Variants in CLYBL observed in about 807,000 individuals in gnomAD.
CLYBL encodes citramalyl-CoA lyase, also known as citramalyl-CoA lyase, mitochondrial.
Under a neutral mutation model 38.9 loss-of-function variants are expected in CLYBL, and 31 were observed. The observed-to-expected ratio is 0.80, with a 90% CI of 0.60 to 1.08. The LOEUF (loss-of-function observed/expected upper bound fraction) is 1.08, where lower values mean the gene tolerates loss of function less well. Among genes scored for constraint, CLYBL ranks in the 50% least tolerant of loss-of-function variants. The pLI, the probability that CLYBL is intolerant of heterozygous loss-of-function variation, is 0.00. For synonymous variants in CLYBL, 171 were observed against 158.6 expected (o/e 1.08, Z -0.59); for missense variants, 434 against 411.6 (o/e 1.05, Z -0.47).
intron 1 of CLYBL, among the ~76,000 whole-genome samples, chr13:99,650,741 T>G (rs750243653): frequency 6.6e-6 from 1 of 152,126 alleles, no homozygotes; most frequent in African/African-American, 2.4e-5. Context: ...TCCCAGCCAT[T>G]GTGGCTCTTT....
chr13:99,784,879 C>T (rs2049751069), intron 2 of CLYBL, among the ~76,000 whole-genome samples: 1 of 152,062 alleles, frequency 6.6e-6, no homozygotes, highest in Non-Finnish European at 1.5e-5. Context: ...ACAAGGTACC[C>T]ATCCTTTGAC....
intron 1 of CLYBL, among the ~76,000 whole-genome samples, chr13:99,744,655 C>T (rs1271975001): frequency 3.3e-5 from 5 of 151,966 alleles, no homozygotes; most frequent in East Asian, 1.9e-4. Context: ...AGATAGATGG[C>T]GATTAAATTT....
intron 2 of CLYBL, among the ~76,000 whole-genome samples, chr13:99,836,007 A>G (rs2050926251): frequency 6.6e-6 from 1 of 152,316 alleles, no homozygotes; most frequent in African/African-American, 2.4e-5. Context: ...AGCTGTCATT[A>G]GAGAGGTGGA....
intron 1 of CLYBL, among the ~76,000 whole-genome samples, chr13:99,743,896 G>A (rs1251553582): frequency 6.6e-6 from 1 of 151,670 alleles, no homozygotes; most frequent in Non-Finnish European, 1.5e-5. Context: ...GCGGTATTGC[G>A]GGGACTCGGG....
intron 1 of CLYBL, among the ~76,000 whole-genome samples, chr13:99,639,291 A>G (rs2047062721): frequency 6.6e-6 from 1 of 152,236 alleles, no homozygotes; most frequent in Non-Finnish European, 1.5e-5. Context: ...GACACGCAGC[A>G]TGGTCATTAA....
intron 8 of CLYBL, among the ~76,000 whole-genome samples, chr13:99,904,373 A>C (rs1023210169): frequency 2.6e-5 from 4 of 152,222 alleles, no homozygotes; most frequent in Non-Finnish European, 5.9e-5. Context: ...ATTCCTGGCT[A>C]TGCTAAACTT....
At chr13:99,640,694 G>C (rs2047080699) in intron 1 of CLYBL, among the ~76,000 whole-genome samples, 1 of 152,210 alleles carries the variant, frequency 6.6e-6, no homozygotes, top group Non-Finnish European at 1.5e-5. Flanking sequence ...GTTTCAAGTT[G>C]ACACATGATA....
chr13:99,646,065 G>T (rs569628419), intron 1 of CLYBL, among the ~76,000 whole-genome samples: 1 of 152,084 alleles, frequency 6.6e-6, no homozygotes, highest in African/African-American at 2.4e-5. Context: ...GACACTGTGG[G>T]GTTCAGTGGG....
intron 2 of CLYBL, among the ~76,000 whole-genome samples, chr13:99,816,385 G>A (rs143094914): frequency 1.3e-5 from 2 of 152,348 alleles, no homozygotes; most frequent in African/African-American, 4.8e-5. Context: ...GGCTCTCAAT[G>A]ACTGTGCCCT....
chr13:99,702,102 C>G (rs550970414), intron 1 of CLYBL, among the ~76,000 whole-genome samples: 1 of 152,024 alleles, frequency 6.6e-6, no homozygotes, highest in Non-Finnish European at 1.5e-5. Context: ...TTTCATCACA[C>G]CTTTTATTTT....
intron 1 of CLYBL, among the ~76,000 whole-genome samples, chr13:99,729,863 A>G (rs1189163312): frequency 6.6e-6 from 1 of 150,958 alleles, no homozygotes; most frequent in East Asian, 1.9e-4. Context: ...TCCCCCCGCC[A>G]GCCTCGGCAC....
downstream of CLYBL, chr13:99,896,375 TC>T (rs1208575329): frequency 1.3e-5 from 2 of 152,146 alleles, no homozygotes; most frequent in African/African-American, 4.8e-5. Flanking sequence ...CTCTCGGGTC[TC>T]CCAGGCCCCA....
chr13:99,729,500 G>A (rs1454386537), intron 1 of CLYBL, among the ~76,000 whole-genome samples: 2 of 152,052 alleles, frequency 1.3e-5, no homozygotes, highest in Non-Finnish European at 2.9e-5. Context: ...ATCTGCTTCG[G>A]GCTAAATATC....
chr13:99,633,534 C>CAA (rs71215536), intron 1 of CLYBL, among the ~76,000 whole-genome samples: 5,954 of 121,602 alleles, frequency 0.049, 175 homozygotes, highest in Middle Eastern at 0.069. Flanking sequence ...GACTCTGTCT[C>CAA]AAAAAAAAAA....
intron 1 of CLYBL, among the ~76,000 whole-genome samples, chr13:99,685,983 A>C (rs1000408764): frequency 2.6e-5 from 4 of 152,100 alleles, no homozygotes; most frequent in African/African-American, 9.7e-5. Context: ...AAAGAATCTC[A>C]TAGACATTTT....
chr13:99,609,470 C>T (rs1486580682), intron 1 of CLYBL, among the ~76,000 whole-genome samples: 1 of 152,040 alleles, frequency 6.6e-6, no homozygotes. Context: ...CCACCGTGCC[C>T]AGCCGACCTG....
At chr13:99,811,187 A>G (rs2050334294) in intron 2 of CLYBL, among the ~76,000 whole-genome samples, 1 of 152,216 alleles carries the variant, frequency 6.6e-6, no homozygotes, top group South Asian at 2.1e-4. Context: ...TCCAGAAAAC[A>G]ATAAAAACAG....
At chr13:99,766,039 A>AG (rs576503377) in intron 1 of CLYBL, among the ~76,000 whole-genome samples, 64 of 151,492 alleles carry the variant, frequency 4.2e-4, no homozygotes, top group Middle Eastern at 3.4e-3. Context: ...TTTTGTAGAG[A>AG]GGGGGGTCTC....
intron 1 of CLYBL, among the ~76,000 whole-genome samples, chr13:99,707,179 ATTAT>A (rs2048159468): frequency 1.3e-5 from 2 of 152,166 alleles, no homozygotes; most frequent in Non-Finnish European, 2.9e-5. Context: ...TACTGTTCAA[ATTAT>A]TTATCTTCTT....
Sources: gnomAD v4.1 joint callset for allele counts (sites outside exome capture counted in the v4.1 genomes callset) on GRCh38, gnomAD v4.1.1 for gene constraint, MANE v1.5 for transcripts, NCBI Gene and HGNC (gene_info 2026-07-23, HGNC 2026-07-21) for gene names.